WDFY4: variants seen among roughly 807,000 people sequenced by gnomAD.
The protein encoded by WDFY4 is WDFY family member 4, also known as WD repeat- and FYVE domain-containing protein 4.
In WDFY4, 169 loss-of-function variants were observed where a neutral mutation model predicts 351.9. That is an observed-to-expected ratio of 0.48 (90% CI 0.42 to 0.55). The LOEUF is 0.55. WDFY4 is among the 20% of genes least tolerant of loss of function. The pLI, the probability that WDFY4 is intolerant of heterozygous loss-of-function variation, is 0.00. For missense variants in WDFY4, 3,803 were observed against 3,935.6 expected (o/e 0.97, Z 0.90); for synonymous variants, 1,622 against 1,574.6 (o/e 1.03, Z -0.71).
chr10:48,975,232 A>T (rs1394382268), intron 58 of WDFY4, 191 bp downstream of exon 58: 1 of 743,030 alleles, frequency 1.3e-6, no homozygotes, highest in East Asian at 2.7e-5. Flanking sequence ...CCGCTTCTTT[A>T]CTTTCCTCCC....
Position 48,789,897 on chromosome 10 carries a change from T to C in WDFY4, c.3978T>C (p.Asn1326=), listed in dbSNP as rs1475281050. 2 of 1,552,300 alleles carry C rather than the reference T, an allele frequency of 1.3e-6. No individual in the cohort carries two copies. The highest frequency in any genetic ancestry group is 2.7e-5 in the African/African-American group (2 of 73,054). The change falls in exon 22 of 62, where the codon AAT becomes AAC. Residue 1326 remains asparagine, a synonymous_variant. Transcript: ENST00000325239. ...AGATGAACATTTCATCCCGTGACAA[T>C]GCCATGCCCGTGTTCTTGCTGAGGA... is the stretch of plus-strand genomic sequence containing the variant. ...AKEMNISSRD[N]AMPVFLLRNC...
intron 43 of WDFY4, chr10:48,878,539 T>C (rs1318921364): frequency 6.6e-6 from 1 of 152,366 alleles, no homozygotes; most frequent in Non-Finnish European, 1.5e-5. Context: ...TATACCTGCA[T>C]AACCAAAGCT....
At chr10:48,817,752 G>T (rs566899080) in intron 32 of WDFY4, among the ~76,000 whole-genome samples, 1 of 152,354 alleles carries the variant, frequency 6.6e-6, no homozygotes, top group East Asian at 1.9e-4. Context: ...TGCACCACAT[G>T]GGGGAGGGCA....
In WDFY4 at chr10:48,721,370, A is replaced by G. The variant is rs1589451141; in HGVS notation, c.456+3A>G. 2 of 1,551,576 alleles carry G rather than the reference A, an allele frequency of 1.3e-6. No individual in the cohort carries two copies. Among genetic ancestry groups the G allele is most frequent in the East Asian group, 4.9e-5 (2 of 40,914 alleles). On this transcript the variant is annotated splice_donor_region_variant and intron_variant, in intron 4 of 61. Transcript: ENST00000325239. ...ACGTGCTCACGGGGACAGACTCGGT[A>G]AGTTTCAGACCATCAGCCTCTGCCC...
At chr10:48,721,089 G>A (rs1298005752) in intron 3 of WDFY4, among the ~76,000 whole-genome samples, 172 bp from the exon 4 acceptor site, 2 of 152,188 alleles carry the variant, frequency 1.3e-5, no homozygotes, top group Non-Finnish European at 2.9e-5. Context: ...GATTAGTCTG[G>A]CAGGGTGTGG....
chr10:48,868,120 T>A (rs956391353), intron 40 of WDFY4, among the ~76,000 whole-genome samples: 1 of 152,154 alleles, frequency 6.6e-6, no homozygotes, highest in Non-Finnish European at 1.5e-5. Flanking sequence ...TGGTGCCCGG[T>A]GCCAGGAAAC....
intron 52 of WDFY4, among the ~76,000 whole-genome samples, chr10:48,958,414 G>A (rs942338025): frequency 4.6e-5 from 7 of 152,286 alleles, no homozygotes; most frequent in Non-Finnish European, 7.4e-5. Flanking sequence ...CGGCTGGCCA[G>A]CCCGGGGTTA....
intron 39 of WDFY4, among the ~76,000 whole-genome samples, chr10:48,852,376 G>C (rs911650934): frequency 2.6e-5 from 4 of 152,210 alleles, no homozygotes; most frequent in African/African-American, 9.6e-5. Flanking sequence ...TTTGTCAGGA[G>C]GATAAATTTT....
In WDFY4 at chr10:48,787,883, TTCTTCTTCTCC is replaced by T. The variant is rs1382606304; in HGVS notation, c.3809-645_3809-635del. ...TTTCTTCTTCTTTCTTCTTTCTTTC[TTCTTCTTCTCC>T]TTCTTCTTCTTCTTCTTCTTCTTCT... On this transcript the variant is annotated intron_variant, in intron 20 of 61. Coordinates refer to ENST00000325239, the MANE Select transcript of WDFY4 (RefSeq NM_001394531.1). Among the ~76,000 whole-genome samples, 16 of 90,036 alleles carry T rather than the reference TTCTTCTTCTCC, an allele frequency of 1.8e-4. 1 individual carries two copies. Among genetic ancestry groups the T allele is most frequent in the East Asian group, 7.9e-4 (2 of 2,538 alleles). The allele number at this position is 90,036 out of a possible 152,430, so 59.1% of individuals were successfully genotyped here.
rs1299426546 is a variant in WDFY4, at chr10:48,943,351, G to A, written c.7651G>A (p.Glu2551Lys). 6.4e-7 allele frequency: 1 copy of A among 1,551,568 alleles called. No individual in the cohort carries two copies. Among genetic ancestry groups the A allele is most frequent in the Non-Finnish European group, 8.7e-7 (1 of 1,146,992 alleles). Reference protein sequence around the residue: ...KWQKRDISNFEYLMYLNTAAG... With the variant: ...KWQKRDISNFKYLMYLNTAAG... The stretch of plus-strand genomic sequence containing the variant: ...GTAGAAAAGGGACATCAGCAATTTT[G>A]AGTATCTCATGTACCTCAACACCGC... The change falls in exon 49 of 62, where the codon GAG becomes AAG. Residue 2551 changes from glutamate (E) to lysine (K), a missense_variant. Glu to Lys is a moderately conservative substitution (Grantham distance 56, BLOSUM62 1). Transcript: ENST00000325239.
At chr10:48,910,792 G>T in intron 47 of WDFY4, 2 of 402,828 alleles carry the variant, frequency 5.0e-6, no homozygotes, top group Non-Finnish European at 6.7e-6. Flanking sequence ...CAAGCAGTTG[G>T]CAGCAAGTAA....
intron 36 of WDFY4, 26 bp downstream of exon 36, chr10:48,826,935 G>A (rs1484655086): frequency 2.0e-6 from 3 of 1,524,834 alleles, no homozygotes; most frequent in African/African-American, 3.0e-5. Flanking sequence ...TTGTTTCCTT[G>A]TCTGCTGGTG....
At chr10:48,937,399 A>G (rs1840448578) in intron 47 of WDFY4, among the ~76,000 whole-genome samples, 1 of 152,188 alleles carries the variant, frequency 6.6e-6, no homozygotes. Context: ...AGGGTCCTGG[A>G]GCAAGATCTG....
chr10:48,914,285 T>C, intron 47 of WDFY4: 1 of 952,504 alleles, frequency 1.0e-6, no homozygotes, highest in Non-Finnish European at 1.5e-6. Flanking sequence ...GGCACTGGGC[T>C]CCCCCACGTC....
At chr10:48,687,676 A>G (rs2063088249) in intron 1 of WDFY4, among the ~76,000 whole-genome samples, 1 of 136,568 alleles carries the variant, frequency 7.3e-6, no homozygotes, top group African/African-American at 2.8e-5. Flanking sequence ...GTGCAATGGC[A>G]TGATCTTGGC....
Position 48,867,285 on chromosome 10 carries a change from G to A in WDFY4, c.6684G>A (p.Glu2228=). 5 of 1,487,238 alleles carry A rather than the reference G, an allele frequency of 3.4e-6. No individual in the cohort carries two copies. Among genetic ancestry groups the A allele is most frequent in the Non-Finnish European group, 4.5e-6 (5 of 1,113,476 alleles). 92.1% of individuals were successfully genotyped at this position (1,487,238 alleles called of 1,614,324 possible). The change falls in exon 40 of 62, where the codon GAG becomes GAA. Residue 2228 remains glutamate, a synonymous_variant. Transcript: ENST00000325239. ...CKTEDFVSCI[E]NYRRRGQELY... is the part of the protein sequence containing the mutation. Reference sequence around the variant, plus strand: ...TCCAGGATTTTGTGTCATGTATAGAGAACTACAGAAGAAGAGGACAAGAGC... The same window carrying A: ...TCCAGGATTTTGTGTCATGTATAGAAAACTACAGAAGAAGAGGACAAGAGC...
intron 47 of WDFY4, among the ~76,000 whole-genome samples, chr10:48,906,581 G>A (rs17011418): frequency 0.13 from 20,275 of 152,168 alleles, 1,498 homozygotes; most frequent in Middle Eastern, 0.21. Flanking sequence ...CCTGCTCTGT[G>A]GTGTTGAATA....
intron 45 of WDFY4, among the ~76,000 whole-genome samples, chr10:48,898,401 G>C (rs550595753): frequency 2.0e-5 from 3 of 152,160 alleles, no homozygotes; most frequent in Admixed American, 2.0e-4. Context: ...GGGGATCCTA[G>C]GGACCACGTA....
At chr10:48,898,183 G>C (rs1489501209) in intron 45 of WDFY4, among the ~76,000 whole-genome samples, 1 of 152,192 alleles carries the variant, frequency 6.6e-6, no homozygotes, top group Admixed American at 6.5e-5. Flanking sequence ...GAAAAGCTCA[G>C]CCATAAGCTG....
Sources: gnomAD v4.1 joint callset for allele counts (sites outside exome capture counted in the v4.1 genomes callset) on GRCh38, gnomAD v4.1.1 for gene constraint, MANE v1.5 for transcripts, NCBI Gene and HGNC (gene_info 2026-07-23, HGNC 2026-07-21) for gene names.